The following MEIOB variants were observed in gnomAD, a reference collection of about 807,000 sequenced individuals.
MEIOB encodes the protein meiosis-specific with OB domain-containing protein.
A neutral mutation model predicts 53.1 loss-of-function variants in MEIOB; 50 were observed. The ratio of observed to expected loss-of-function variants is 0.94; its 90% CI spans 0.75 to 1.19. The LOEUF (loss-of-function observed/expected upper bound fraction) is 1.19, where lower values mean the gene tolerates loss of function less well. Ranked by LOEUF, MEIOB falls within the 50% of genes most tolerant of loss-of-function variation. The probability of loss-of-function intolerance (pLI) is 0.00; values close to 1 mark genes in which losing one functional copy is unlikely to be tolerated. For synonymous variants in MEIOB, 192 were observed against 182.5 expected, an observed-to-expected ratio of 1.05 and a Z score of -0.42; for missense variants, 551 against 550.8, an observed-to-expected ratio of 1.00 and a Z score of 0.00.
intron 9 of MEIOB, among the ~76,000 whole-genome samples, chr16:1,850,306 T>C (rs937684400): frequency 5.3e-5 from 8 of 152,116 alleles, no homozygotes; most frequent in Admixed American, 1.3e-4. Flanking sequence ...AGGCCGGGCG[T>C]GGTGGCTCAT....
intron 2 of MEIOB, among the ~76,000 whole-genome samples, chr16:1,866,637 G>A (rs1240707674): frequency 3.3e-5 from 5 of 152,040 alleles, no homozygotes; most frequent in African/African-American, 9.7e-5. Context: ...CAGGAGAATC[G>A]CTTGAACCCA....
At chr16:1,839,782 T>G (rs1275988331) in intron 11 of MEIOB, 2 of 240,522 alleles carry the variant, frequency 8.3e-6, no homozygotes, top group Non-Finnish European at 1.6e-5. Context: ...AGCAGCAGAG[T>G]GCACGCCTCA....
intron 1 of MEIOB, among the ~76,000 whole-genome samples, chr16:1,869,664 G>T (rs2437747): frequency 0.58 from 87,401 of 150,932 alleles, 25,710 homozygotes; most frequent in Middle Eastern, 0.72. Context: ...TGTTAGCCAG[G>T]ATGGTCTCCA....
At chr16:1,852,474 G>A (rs1314337712) in intron 9 of MEIOB, among the ~76,000 whole-genome samples, 6 of 150,202 alleles carry the variant, frequency 4.0e-5, no homozygotes, top group African/African-American at 1.5e-4. Context: ...TGTTGGCCAG[G>A]ATGGTCTCAA....
At chr16:1,868,064 AAAATGTCATCAGT>A in intron 2 of MEIOB, 30 bp downstream of exon 2, 1 of 1,055,642 alleles carries the variant, frequency 9.5e-7, no homozygotes, top group Non-Finnish European at 1.4e-6. Context: ...GTTATCACAT[AAAATGTCATCAGT>A]AAGCAAATCA....
chr16:1,837,109 A>G (rs1898770495), intron 13 of MEIOB, among the ~76,000 whole-genome samples: 1 of 152,144 alleles, frequency 6.6e-6, no homozygotes, highest in African/African-American at 2.4e-5. Flanking sequence ...TTGAACACAA[A>G]GACTCGAGGA....
chr16:1,855,141 G>A (rs1899268344), intron 6 of MEIOB, among the ~76,000 whole-genome samples: 1 of 152,186 alleles, frequency 6.6e-6, no homozygotes, highest in South Asian at 2.1e-4. Context: ...TTAAATGAAA[G>A]TGTGAAGAGT....
At chr16:1,844,814 C>A in intron 10 of MEIOB, 48 bp downstream of exon 10, 1 of 917,620 alleles carries the variant, frequency 1.1e-6, no homozygotes, top group Non-Finnish European at 1.8e-6. Flanking sequence ...TTTACAGGCC[C>A]AATTTCGGCC....
At chr16:1,846,903 T>A (rs1387697838) in intron 9 of MEIOB, among the ~76,000 whole-genome samples, 1 of 152,118 alleles carries the variant, frequency 6.6e-6, no homozygotes, top group Non-Finnish European at 1.5e-5. Context: ...ACGCCTATAA[T>A]CCCAGCACTT....
intron 13 of MEIOB, among the ~76,000 whole-genome samples, chr16:1,836,075 G>C (rs1596960031): frequency 6.6e-6 from 1 of 152,040 alleles, no homozygotes; most frequent in Non-Finnish European, 1.5e-5. Flanking sequence ...GGACAGGCTG[G>C]TCATGAACCA....
Position 1,834,297 on chromosome 16 carries a change from T to G in MEIOB, c.1375A>C (p.Thr459Pro), listed in dbSNP as rs1898679931. ...CCAGACAAGTTTCTGCTTGCCTCAGTAGGATCTGCAAGCTTGCACGAGAGT... is the reference window on the plus strand; with the variant it reads ...CCAGACAAGTTTCTGCTTGCCTCAGGAGGATCTGCAAGCTTGCACGAGAGT... ...SVLSCKLADPTEASRNLSGQK... is the reference protein window; with the variant it reads ...SVLSCKLADPPEASRNLSGQK... Residue 459 changes from threonine to proline, a missense_variant, in exon 14 of 14, where the codon ACT becomes CCT. Coordinates refer to ENST00000325962, the MANE Select transcript of MEIOB (RefSeq NM_001163560.3). The G allele has an allele frequency of 4.3e-6, 7 of 1,612,914 alleles. No homozygotes were observed. The highest frequency in any genetic ancestry group is 5.9e-6 in the Non-Finnish European group (7 of 1,179,052).
intron 3 of MEIOB, among the ~76,000 whole-genome samples, chr16:1,863,067 G>T (rs397160): frequency 0.83 from 125,307 of 151,828 alleles, 51,837 homozygotes; most frequent in Middle Eastern, 0.9. Flanking sequence ...CATCTCTACA[G>T]AAAATTTTAA....
At chr16:1,837,107 A>T (rs12325217) in intron 13 of MEIOB, among the ~76,000 whole-genome samples, 47,146 of 151,882 alleles carry the variant, frequency 0.31, 7,455 homozygotes, top group South Asian at 0.4. Context: ...CCTTGAACAC[A>T]AAGACTCGAG....
chr16:1,849,251 TCTA>T (rs1230324140), intron 9 of MEIOB, among the ~76,000 whole-genome samples: 1 of 151,666 alleles, frequency 6.6e-6, no homozygotes, highest in African/African-American at 2.4e-5. Flanking sequence ...AAACCCCATG[TCTA>T]CTAAAAATAC....
Position 1,834,338 on chromosome 16 carries a change from C to T in MEIOB, c.1334G>A (p.Gly445Glu). ...GCACGAGAGTACACTAATTTTCAATCCACTCCTTGCTCTGTGTGATAGAAC... is the reference window on the plus strand; with the variant it reads ...GCACGAGAGTACACTAATTTTCAATTCACTCCTTGCTCTGTGTGATAGAAC... The part of the protein sequence containing the change: ...KFVLSHRARS[G>E]LKISVLSCKL... Residue 445 changes from glycine to glutamate, a missense_variant, in exon 14 of 14, where the codon GGA becomes GAA. By Grantham distance (98) the Gly-to-Glu change is moderately conservative (BLOSUM62 -2). Coordinates refer to ENST00000325962, the MANE Select transcript of MEIOB (RefSeq NM_001163560.3). 6.2e-7 allele frequency: 1 copy of T among 1,611,348 alleles called. No homozygotes were observed. Among genetic ancestry groups the T allele is most frequent in the Non-Finnish European group, 8.5e-7 (1 of 1,177,712 alleles).
intron 2 of MEIOB, among the ~76,000 whole-genome samples, chr16:1,867,110 T>C (rs1032886347): frequency 2.6e-5 from 4 of 152,128 alleles, no homozygotes; most frequent in Admixed American, 6.5e-5. Flanking sequence ...ATTATTAAAG[T>C]TATATGTAAA....
chr16:1,868,388 G>A (rs2982238), intron 1 of MEIOB, among the ~76,000 whole-genome samples: 125,394 of 151,904 alleles, frequency 0.83, 51,874 homozygotes, highest in Middle Eastern at 0.9. Context: ...GAAACCTCAC[G>A]TGGTAGCGGG....
rs1467788339 is a variant in MEIOB, at chr16:1,838,383, G to C, written c.1219-513C>G. Among the ~76,000 whole-genome samples the C allele has an allele frequency of 5.3e-5, 8 of 152,110 alleles. No individual in the cohort carries two copies. The East Asian group carries it at 1.4e-3, about 26-fold the overall frequency. Reference sequence around the variant, plus strand: ...AAAGGTAATCAGGTATCTCAGCAAGGAAAAATCCCCTCAATAAAGTGGAAG... The same window carrying C: ...AAAGGTAATCAGGTATCTCAGCAAGCAAAAATCCCCTCAATAAAGTGGAAG... On this transcript the variant is annotated intron_variant, in intron 12 of 13. Transcript: ENST00000325962.
intron 9 of MEIOB, among the ~76,000 whole-genome samples, chr16:1,852,549 C>A (rs1443376977): frequency 1.3e-5 from 2 of 151,468 alleles, no homozygotes. Context: ...GTGTGAGCCA[C>A]CGCGCCAGCC....
Sources: gnomAD v4.1 joint callset for allele counts (sites outside exome capture counted in the v4.1 genomes callset) on GRCh38, gnomAD v4.1.1 for gene constraint, MANE v1.5 for transcripts, NCBI Gene and HGNC (gene_info 2026-07-23, HGNC 2026-07-21) for gene names.